SEC11A: variants seen among roughly 807,000 people sequenced by gnomAD.
SEC11A encodes SEC11 homolog A, signal peptidase complex subunit, also known as signal peptidase complex catalytic subunit SEC11A.
Under a neutral mutation model 25.6 loss-of-function variants are expected in SEC11A, and 14 were observed. The observed-to-expected ratio is 0.55, with a 90% confidence interval of 0.36 to 0.85. The LOEUF (loss-of-function observed/expected upper bound fraction) is 0.85. Ranked by LOEUF, SEC11A falls within the 40% of genes least tolerant of loss-of-function variation. The pLI is 0.01. For synonymous variants in SEC11A, 83 were observed against 76.4 expected (o/e 1.09, Z -0.45); for missense variants, 153 against 222.9 (o/e 0.69, Z 2.00).
Position 84,691,549 on chromosome 15 carries a change from A to AATCGG in SEC11A, c.142_146dup (p.Val50ArgfsTer3). On this transcript the variant is annotated frameshift_variant, in exon 2 of 6. Coordinates refer to ENST00000268220, the MANE Select transcript of SEC11A (RefSeq NM_014300.4). LOFTEE classifies it high-confidence loss of function. ...AAAACTGTTACCTGAGCACCACTAC[A>AATCGG]ATCGGACTTTCACTTCCAGTTATTA... is the stretch of plus-strand genomic sequence containing the variant. The AATCGG allele has an allele frequency of 6.2e-7, 1 of 1,603,802 alleles. No individual in the cohort carries two copies.
At chr15:84,681,999 C>T (rs911397441) in intron 3 of SEC11A, among the ~76,000 whole-genome samples, 4 of 152,024 alleles carry the variant, frequency 2.6e-5, no homozygotes, top group Non-Finnish European at 4.4e-5. Context: ...ATTGAGGCTG[C>T]GGTGAGCTGT....
At chr15:84,701,312 CAATAAT>C (rs1314540682) in intron 1 of SEC11A, among the ~76,000 whole-genome samples, 2 of 150,080 alleles carry the variant, frequency 1.3e-5, no homozygotes, top group African/African-American at 4.9e-5. Flanking sequence ...ATCTCAATAA[CAATAAT>C]AATAATAATT....
chr15:84,695,121 G>T (rs1379238018), intron 1 of SEC11A, among the ~76,000 whole-genome samples: 5 of 134,762 alleles, frequency 3.7e-5, no homozygotes, highest in Admixed American at 1.5e-4. Context: ...AAAAAAAGAA[G>T]GTAGAGGAAA....
chr15:84,687,780 A>G lies in SEC11A; in HGVS notation c.162-6T>C, dbSNP rs1472305360. ...ATGCAGGTTCCATGCTGCCACTGGA[A>G]GGGAAAGAAGAATATAACAGCAAAA... On this transcript the variant is annotated splice_polypyrimidine_tract_variant and splice_region_variant and intron_variant, in intron 2 of 5. Coordinates refer to ENST00000268220, the MANE Select transcript of SEC11A (RefSeq NM_014300.4). The G allele has an allele frequency of 1.3e-6, 2 of 1,586,542 alleles. No individual in the cohort carries two copies. Among genetic ancestry groups the G allele is most frequent in the Admixed American group, 2.0e-5 (1 of 50,176 alleles).
intron 4 of SEC11A, 42 bp from the exon 5 acceptor site, chr15:84,670,824 T>C: frequency 1.0e-6 from 1 of 964,702 alleles, no homozygotes. Flanking sequence ...ATTTCCGATG[T>C]AAAGCAGCTG....
intron 1 of SEC11A, among the ~76,000 whole-genome samples, chr15:84,704,773 T>C (rs952302573): frequency 2.6e-5 from 4 of 152,180 alleles, no homozygotes; most frequent in Non-Finnish European, 5.9e-5. Flanking sequence ...GGTTGCATGT[T>C]CCTGTGGCAG....
At chr15:84,686,630 C>T (rs2141888026) in intron 3 of SEC11A, 1 of 152,158 alleles carries the variant, frequency 6.6e-6, no homozygotes, top group Middle Eastern at 3.4e-3. Context: ...AAAAAAAGAA[C>T]CGAAATCATG....
chr15:84,676,464 ATTTT>A (rs768514639), intron 4 of SEC11A, among the ~76,000 whole-genome samples: 2 of 118,872 alleles, frequency 1.7e-5, no homozygotes, highest in Non-Finnish European at 4.1e-5. Context: ...AAAAAAAAAA[ATTTT>A]TTTTTTTTTT....
At position 84,700,910 on chromosome 15, in the gene SEC11A, G is replaced by T. The variant is rs112739502; in HGVS notation, c.52-9266C>A. ...TAGCAGAGTCACTTGAACCCGGAAG[G>T]CAGAGGTTGCAGTAAGCCGACATCA... is the stretch of plus-strand genomic sequence containing the variant. On this transcript the variant is annotated intron_variant, in intron 1 of 5. Coordinates refer to ENST00000268220, the MANE Select transcript of SEC11A (RefSeq NM_014300.4). 5.1e-3 allele frequency among the ~76,000 whole-genome samples: 741 copies of T among 146,406 alleles called. 7 individuals carry two copies. The highest frequency in any genetic ancestry group is 0.018 in the African/African-American group (706 of 39,246).
At chr15:84,707,773 A>G (rs190074497) in intron 1 of SEC11A, among the ~76,000 whole-genome samples, 3 of 152,278 alleles carry the variant, frequency 2.0e-5, no homozygotes, top group Admixed American at 2.0e-4. Context: ...TCTTTACGTC[A>G]TTTGTGGAGA....
chr15:84,703,604 G>C (rs1898011327), intron 1 of SEC11A, among the ~76,000 whole-genome samples: 2 of 152,292 alleles, frequency 1.3e-5, no homozygotes, highest in South Asian at 4.1e-4. Context: ...TTGTGAGGAA[G>C]AGAAATCCTC....
chr15:84,698,752 A>G (rs1297926417), intron 1 of SEC11A, among the ~76,000 whole-genome samples: 1 of 152,194 alleles, frequency 6.6e-6, no homozygotes, highest in African/African-American at 2.4e-5. Flanking sequence ...TCAAACCGGA[A>G]ATAACTCAAA....
intron 3 of SEC11A, among the ~76,000 whole-genome samples, chr15:84,684,423 T>A (rs982115266): frequency 9.2e-5 from 14 of 152,096 alleles, no homozygotes; most frequent in African/African-American, 3.1e-4. Flanking sequence ...ACAACATGGA[T>A]TTGCTTCTTC....
At chr15:84,674,956 C>T (rs563389403) in intron 4 of SEC11A, among the ~76,000 whole-genome samples, 66 of 152,220 alleles carry the variant, frequency 4.3e-4, no homozygotes, top group Admixed American at 1.8e-3. Context: ...ATCTAAGGAT[C>T]CCAGAATATG....
intron 1 of SEC11A, among the ~76,000 whole-genome samples, chr15:84,705,145 G>C (rs866097071): frequency 5.3e-5 from 8 of 152,094 alleles, no homozygotes; most frequent in Admixed American, 2.6e-4. Flanking sequence ...GGCTGGTCTT[G>C]AACTCCTGGC....
At chr15:84,679,747 T>C (rs936411101) in intron 4 of SEC11A, among the ~76,000 whole-genome samples, 3 of 152,258 alleles carry the variant, frequency 2.0e-5, no homozygotes, top group Non-Finnish European at 4.4e-5. Context: ...AACTCATTTA[T>C]GTTTCCTCAT....
chr15:84,678,679 G>A lies in SEC11A; in HGVS notation c.431+2034C>T, dbSNP rs575545799. Among the ~76,000 whole-genome samples the A allele has an allele frequency of 3.9e-5, 6 of 152,230 alleles. No individual in the cohort carries two copies. The South Asian group carries it at 8.3e-4, about 21-fold the overall frequency. ...CATTCTCCTTTCACACACAAAATGC[G>A]TTTTATGTTTGTATAAATATGTACA... is the stretch of plus-strand genomic sequence containing the variant. On this transcript the variant is annotated intron_variant, in intron 4 of 5. Transcript: ENST00000268220.
chr15:84,682,927 A>G (rs889486591), intron 3 of SEC11A, among the ~76,000 whole-genome samples: 2 of 152,204 alleles, frequency 1.3e-5, no homozygotes, highest in African/African-American at 4.8e-5. Flanking sequence ...GAAGAAAATT[A>G]GCTTCAGGTT....
intron 2 of SEC11A, among the ~76,000 whole-genome samples, chr15:84,689,609 CTTTTTTTTT>C (rs11316103): frequency 9.8e-5 from 12 of 122,556 alleles, no homozygotes; most frequent in African/African-American, 3.4e-4. Context: ...TCTTTTCTTT[CTTTTTTTTT>C]TTTTTTTTGA....
Sources: allele counts gnomAD v4.1 joint callset (sites outside exome capture counted in the v4.1 genomes callset), GRCh38; gene constraint gnomAD v4.1.1; transcripts MANE v1.5; gene names NCBI Gene and HGNC (gene_info 2026-07-23, HGNC 2026-07-21).